The following GPR176 variants were observed in gnomAD, a reference collection of about 807,000 sequenced individuals.
The protein encoded by GPR176 is G protein-coupled receptor 176, also known as G-protein coupled receptor 176.
In GPR176, 26 loss-of-function variants were observed where a neutral mutation model predicts 35.4. The ratio of observed to expected loss-of-function variants is 0.74; its 90% confidence interval spans 0.54 to 1.02. The LOEUF is 1.02. Ranked by LOEUF, GPR176 falls within the 50% of genes least tolerant of loss-of-function variation. The pLI, the probability that GPR176 is intolerant of heterozygous loss-of-function variation, is 0.00. For missense variants in GPR176, 597 were observed against 665.3 expected (o/e 0.90, Z 1.13); for synonymous variants, 278 against 271.3 (o/e 1.02, Z -0.24).
At chr15:39,838,584 CAT>C (rs762841719) in intron 1 of GPR176, among the ~76,000 whole-genome samples, 1 of 152,068 alleles carries the variant, frequency 6.6e-6, no homozygotes, top group South Asian at 2.1e-4. Context: ...ACAAAAACCA[CAT>C]GATTATCTCA....
chr15:39,841,980 C>T (rs1321377234), intron 1 of GPR176, among the ~76,000 whole-genome samples: 2 of 152,088 alleles, frequency 1.3e-5, no homozygotes, highest in Admixed American at 6.6e-5. Flanking sequence ...GGAGACTACA[C>T]TGAACCCACT....
chr15:39,835,124 T>A (rs1205843638), intron 1 of GPR176, among the ~76,000 whole-genome samples: 1 of 152,044 alleles, frequency 6.6e-6, no homozygotes, highest in Admixed American at 6.6e-5. Context: ...TTCAAGCAAT[T>A]CTCCTGCTTC....
chr15:39,886,610 A>T (rs2032684924), intron 1 of GPR176, among the ~76,000 whole-genome samples: 1 of 152,260 alleles, frequency 6.6e-6, no homozygotes, highest in Non-Finnish European at 1.5e-5. Flanking sequence ...AATACTAATT[A>T]GAGTGACAAA....
chr15:39,879,447 T>C (rs2032385553), intron 1 of GPR176, among the ~76,000 whole-genome samples: 2 of 152,350 alleles, frequency 1.3e-5, no homozygotes, highest in South Asian at 4.1e-4. Context: ...AAAGGTCTAT[T>C]GAAATGTTCA....
At chr15:39,917,297 A>T (rs904243053) in intron 1 of GPR176, among the ~76,000 whole-genome samples, 2 of 151,968 alleles carry the variant, frequency 1.3e-5, no homozygotes, top group Non-Finnish European at 2.9e-5. Flanking sequence ...TCAAAAAAAA[A>T]ATAAAAATAA....
At chr15:39,819,235 G>C (rs1420429780) in intron 1 of GPR176, among the ~76,000 whole-genome samples, 6 of 152,168 alleles carry the variant, frequency 3.9e-5, no homozygotes, top group African/African-American at 1.4e-4. Flanking sequence ...TACTACACAG[G>C]CTATCTTACC....
intron 1 of GPR176, among the ~76,000 whole-genome samples, chr15:39,901,713 G>A (rs1363553030): frequency 1.3e-5 from 2 of 152,036 alleles, no homozygotes; most frequent in Non-Finnish European, 2.9e-5. Context: ...AGTTGTTCAG[G>A]CATCCCTTAG....
At chr15:39,885,107 T>C (rs1240490720) in intron 1 of GPR176, among the ~76,000 whole-genome samples, 1 of 152,212 alleles carries the variant, frequency 6.6e-6, no homozygotes, top group Non-Finnish European at 1.5e-5. Flanking sequence ...AAACTTACTC[T>C]TCACAATTGA....
intron 1 of GPR176, among the ~76,000 whole-genome samples, chr15:39,913,868 A>G (rs951746552): frequency 6.6e-6 from 1 of 152,138 alleles, no homozygotes; most frequent in Non-Finnish European, 1.5e-5. Flanking sequence ...AACACGGTGA[A>G]ACCCTGTCTC....
chr15:39,899,285 A>G lies in GPR176; in HGVS notation c.172+20570T>C, dbSNP rs140199564. Among the ~76,000 whole-genome samples the G allele has an allele frequency of 2.6e-3, 403 of 152,286 alleles. 5 individuals are homozygous for G. Among genetic ancestry groups the G allele is most frequent in the East Asian group, 0.022 (116 of 5,186 alleles). On this transcript the variant is annotated intron_variant, in intron 1 of 2. Coordinates refer to ENST00000561100, the MANE Select transcript of GPR176 (RefSeq NM_007223.3). ...GGCATGAACCCAAAGGGGCTGGATG[A>G]CAGTTTCAGCTTCCAGTTCAAGGGA...
rs188237508 is a variant in GPR176, at chr15:39,816,102, T to C, written c.173-8844A>G. 3.9e-5 allele frequency among the ~76,000 whole-genome samples: 6 copies of C among 152,214 alleles called. No individual in the cohort carries two copies. The East Asian group carries it at 5.8e-4, about 15-fold the overall frequency. ...CAGGTGGAATCTAAAACATCCAGAA[T>C]CATAGAAGCAGAGTGTAGAATGGGC... On this transcript the variant is annotated intron_variant, in intron 1 of 2. Transcript: ENST00000561100.
Position 39,801,515 on chromosome 15 carries a change from C to A in GPR176, c.1165G>T (p.Glu389Ter). Residue 389 changes from glutamate to a stop codon, truncating the protein, a stop_gained, in exon 3 of 3, where the codon GAG (glutamate) becomes TAG (stop). Coordinates refer to ENST00000561100, the MANE Select transcript of GPR176 (RefSeq NM_007223.3). LOFTEE classifies it high-confidence loss of function. The stretch of plus-strand genomic sequence containing the variant: ...GAGCCAATGTACTTGGCCTCACTCT[C>A]TTCCTCATCCTCTGTGGGCTTAAAG... ...QIFKPTEDEE[E>*]SEAKYIGSAD... The A allele has an allele frequency of 6.2e-7, 1 of 1,614,220 alleles. No individual in the cohort carries two copies. Among genetic ancestry groups the A allele is most frequent in the Non-Finnish European group, 8.5e-7 (1 of 1,180,030 alleles).
At chr15:39,818,418 A>G (rs1900057726) in intron 1 of GPR176, among the ~76,000 whole-genome samples, 1 of 152,250 alleles carries the variant, frequency 6.6e-6, no homozygotes, top group Non-Finnish European at 1.5e-5. Context: ...AATGAAAAGC[A>G]TCTTAAGAAA....
intron 1 of GPR176, among the ~76,000 whole-genome samples, chr15:39,902,505 C>G (rs1209779518): frequency 6.6e-6 from 1 of 152,182 alleles, no homozygotes; most frequent in African/African-American, 2.4e-5. Context: ...GGCTTCTGGT[C>G]ATTTGTAGAT....
intron 1 of GPR176, among the ~76,000 whole-genome samples, chr15:39,868,944 T>G (rs1431747709): frequency 6.6e-6 from 1 of 151,444 alleles, no homozygotes; most frequent in Non-Finnish European, 1.5e-5. Flanking sequence ...GAAATGGGCT[T>G]GCTAGTGAAG....
At chr15:39,907,153 A>G (rs1386043458) in intron 1 of GPR176, among the ~76,000 whole-genome samples, 4 of 152,270 alleles carry the variant, frequency 2.6e-5, no homozygotes, top group Non-Finnish European at 5.9e-5. Flanking sequence ...CAGAGAGAAC[A>G]GCAAAGTCAA....
chr15:39,907,759 T>C (rs1401821199), intron 1 of GPR176, among the ~76,000 whole-genome samples: 1 of 152,206 alleles, frequency 6.6e-6, no homozygotes, highest in Non-Finnish European at 1.5e-5. Flanking sequence ...ATTTTTTTTC[T>C]TGCCACTAGG....
intron 1 of GPR176, among the ~76,000 whole-genome samples, chr15:39,911,844 TTC>T (rs1301208065): frequency 2.6e-5 from 4 of 152,220 alleles, no homozygotes; most frequent in South Asian, 2.1e-4. Flanking sequence ...TCCAACCCAT[TTC>T]TCTCTCTTAC....
chr15:39,836,647 T>C (rs1054370181), intron 1 of GPR176, among the ~76,000 whole-genome samples: 11 of 152,170 alleles, frequency 7.2e-5, no homozygotes, highest in African/African-American at 2.7e-4. Context: ...GCACTTCTTT[T>C]TTATAAAATT....
Sources: allele counts gnomAD v4.1 joint callset (sites outside exome capture counted in the v4.1 genomes callset), GRCh38; gene constraint gnomAD v4.1.1; transcripts MANE v1.5; gene names NCBI Gene and HGNC (gene_info 2026-07-23, HGNC 2026-07-21).